CLPTM1L: variants seen among roughly 807,000 people sequenced by gnomAD.
CLPTM1L encodes lipid scramblase CLPTM1L.
CLPTM1L carries 38 observed loss-of-function variants against 70.9 expected under a neutral mutation model. The ratio of observed to expected loss-of-function variants is 0.54; its 90% CI spans 0.41 to 0.70. The LOEUF is 0.70. Among genes scored for constraint, CLPTM1L ranks in the 30% least tolerant of loss-of-function variants. The pLI is 0.00. For synonymous variants in CLPTM1L, 339 were observed against 299.9 expected, an observed-to-expected ratio of 1.13 and a Z score of -1.35; for missense variants, 652 against 705.9, an observed-to-expected ratio of 0.92 and a Z score of 0.87.
chr5:1,338,287 C>T (rs775536284), intron 4 of CLPTM1L: 37 of 444,480 alleles, frequency 8.3e-5, no homozygotes, highest in African/African-American at 4.8e-4. Flanking sequence ...GGGCCCTCTG[C>T]GCACTGACAC....
At chr5:1,341,135 T>C (rs970575904) in intron 3 of CLPTM1L, among the ~76,000 whole-genome samples, 5 of 152,254 alleles carry the variant, frequency 3.3e-5, no homozygotes, top group African/African-American at 9.6e-5. Flanking sequence ...GCTTTATCCT[T>C]GGCCTGTATT....
At chr5:1,324,714 G>A in intron 11 of CLPTM1L, 49 bp downstream of exon 11, 1 of 1,521,294 alleles carries the variant, frequency 6.6e-7, no homozygotes, top group Non-Finnish European at 9.1e-7. Flanking sequence ...GTCTTTGAGG[G>A]TGTTGGATTT....
intron 7 of CLPTM1L, among the ~76,000 whole-genome samples, chr5:1,333,945 G>A (rs1013199686): frequency 1.3e-5 from 2 of 152,140 alleles, no homozygotes; most frequent in Non-Finnish European, 2.9e-5. Flanking sequence ...GGCCTGGGCA[G>A]GGGAGAGTGA....
At chr5:1,338,718 G>C in intron 4 of CLPTM1L, 142 bp downstream of exon 4, 1 of 883,180 alleles carries the variant, frequency 1.1e-6, no homozygotes, top group Non-Finnish European at 1.7e-6. Flanking sequence ...ATGAGGAAGT[G>C]GGAAAGAGCT....
At chr5:1,334,977 C>A (rs1159594111) in intron 6 of CLPTM1L, 80 bp downstream of exon 6, 18 of 1,040,782 alleles carry the variant, frequency 1.7e-5, no homozygotes, top group Middle Eastern at 2.9e-4. Flanking sequence ...GAGGCCCCGG[C>A]CTGTGTCAGG....
At chr5:1,328,701 T>TTTCATCCAGCTCCTCCTCTAC (rs1752826766) in intron 9 of CLPTM1L, among the ~76,000 whole-genome samples, 1 of 72,292 alleles carries the variant, frequency 1.4e-5, no homozygotes, top group Admixed American at 1.5e-4. Flanking sequence ...TCCTCCTCTA[T>TTTCATCCAGCTCCTCCTCTAC]AGACACATTC....
rs907420057 is a variant in CLPTM1L, at chr5:1,342,454, C to T, written c.264-594G>A. On this transcript the variant is annotated intron_variant, in intron 2 of 16. Transcript: ENST00000320895. The surrounding 1 kb of genome is among the most constrained non-coding windows in gnomAD (Gnocchi z 4.3). Reference sequence around the variant, plus strand: ...CAGCACGAGCTGAGGAAAGGCCCGGCGAGCTGCTACAACTGTAGGCCTCGG... The same window carrying T: ...CAGCACGAGCTGAGGAAAGGCCCGGTGAGCTGCTACAACTGTAGGCCTCGG... Among the ~76,000 whole-genome samples, 3 of 152,188 alleles carry T rather than the reference C, an allele frequency of 2.0e-5. No homozygotes were observed. Among genetic ancestry groups the T allele is most frequent in the Admixed American group, 2.0e-4 (3 of 15,282 alleles).
intron 11 of CLPTM1L, among the ~76,000 whole-genome samples, chr5:1,324,466 A>G (rs1489702283): frequency 1.3e-5 from 2 of 152,190 alleles, no homozygotes; most frequent in African/African-American, 4.8e-5. Context: ...CACAGCAGAC[A>G]CCATGGCCTG....
At chr5:1,344,322 T>C (rs752757372) in intron 2 of CLPTM1L, 29 bp downstream of exon 2, 2 of 1,429,518 alleles carry the variant, frequency 1.4e-6, no homozygotes, top group East Asian at 2.3e-5. Flanking sequence ...TGTTTTCCCT[T>C]TCACTGGCAT....
At chr5:1,329,540 T>A (rs1427574805) in intron 9 of CLPTM1L, among the ~76,000 whole-genome samples, 8 of 130,816 alleles carry the variant, frequency 6.1e-5, no homozygotes, top group African/African-American at 2.7e-4. Context: ...CTCAGGACTC[T>A]CTGCTTGGTG....
rs1298054356 is a variant in CLPTM1L, at chr5:1,331,813, A to G, written c.962T>C (p.Met321Thr). Residue 321 changes from methionine (M) to threonine (T), a missense_variant, in exon 8 of 17, where the codon ATG becomes ACG. By Grantham distance (81) the Met-to-Thr change is moderately conservative (BLOSUM62 -1). Around this residue, in one of 3 missense-constraint regions of CLPTM1L, gnomAD observed 240 missense variants for 295.0 expected, o/e 0.81. Coordinates refer to ENST00000320895, the MANE Select transcript of CLPTM1L (RefSeq NM_030782.5). ...FWKKKKSMIG[M>T]STKAVLWRCF... ...GGGGGGCCTACCTGCCTTGGTGGAC[A>G]TGCCGATCATGCTCTTCTTCTTCTT... The G allele has an allele frequency of 1.2e-6, 2 of 1,613,386 alleles. No individual in the cohort carries two copies. Among genetic ancestry groups the G allele is most frequent in the East Asian group, 2.2e-5 (1 of 44,882 alleles).
In CLPTM1L at chr5:1,342,712, G is replaced by A. The variant is rs1329645963; in HGVS notation, c.264-852C>T. Among the ~76,000 whole-genome samples, 5 of 152,246 alleles carry A rather than the reference G, an allele frequency of 3.3e-5. No individual in the cohort carries two copies. Among genetic ancestry groups the A allele is most frequent in the South Asian group, 2.1e-4 (1 of 4,820 alleles). ...AAGTGACCTCCCGCCTCAGTCTCCC[G>A]AGTAGCTGGGACTACAGGTGGGCGT... is the stretch of plus-strand genomic sequence containing the variant. On this transcript the variant is annotated intron_variant, in intron 2 of 16. Coordinates refer to ENST00000320895, the MANE Select transcript of CLPTM1L (RefSeq NM_030782.5). The surrounding 1 kb of genome is among the most constrained non-coding windows in gnomAD (Gnocchi z 4.3).
chr5:1,339,580 G>C, intron 3 of CLPTM1L, among the ~76,000 whole-genome samples: 1 of 126,454 alleles, frequency 7.9e-6, no homozygotes, highest in African/African-American at 3.2e-5. Flanking sequence ...GGACAGCAGG[G>C]TCGGCACCCT....
At chr5:1,333,695 CGCA>C (rs1561244544) in intron 7 of CLPTM1L, among the ~76,000 whole-genome samples, 23 of 35,130 alleles carry the variant, frequency 6.5e-4, no homozygotes, top group Non-Finnish European at 8.4e-4. Flanking sequence ...GTAGACACAC[CGCA>C]AGAGGATAAG....
intron 7 of CLPTM1L, among the ~76,000 whole-genome samples, chr5:1,332,598 C>T (rs1049237704): frequency 5.9e-5 from 9 of 152,202 alleles, no homozygotes; most frequent in African/African-American, 1.7e-4. Context: ...CTCAGCTCCA[C>T]GAACAACAGT....
At chr5:1,320,195 G>A (rs1235130031) in intron 16 of CLPTM1L, 2 of 156,608 alleles carry the variant, frequency 1.3e-5, no homozygotes, top group African/African-American at 2.4e-5. Context: ...TGAGGTGAGT[G>A]AGCTCCCCAG....
At chr5:1,327,449 C>T (rs1752679770) in intron 9 of CLPTM1L, among the ~76,000 whole-genome samples, 1 of 146,850 alleles carries the variant, frequency 6.8e-6, no homozygotes, top group Non-Finnish European at 1.5e-5. Context: ...AGCTCCTCCT[C>T]TACAGGGACA....
At chr5:1,333,701 A>ATT in intron 7 of CLPTM1L, among the ~76,000 whole-genome samples, 1 of 107,850 alleles carries the variant, frequency 9.3e-6, no homozygotes. Flanking sequence ...ACACCGCAAG[A>ATT]GGATAAGGGG....
rs1413858746 is a variant in CLPTM1L, at chr5:1,342,780, G to C, written c.264-920C>G. Among the ~76,000 whole-genome samples the C allele has an allele frequency of 6.6e-6, 1 of 152,170 alleles. No individual in the cohort carries two copies. The highest frequency in any genetic ancestry group is 1.5e-5 in the Non-Finnish European group (1 of 68,024). ...ACTTTGAAAACTGTTGTAGAGATGG[G>C]GTTTTGTCACATTGCCTAGGCTGGT... On this transcript the variant is annotated intron_variant, in intron 2 of 16. Coordinates refer to ENST00000320895, the MANE Select transcript of CLPTM1L (RefSeq NM_030782.5). The surrounding 1 kb of genome is among the most constrained non-coding windows in gnomAD (Gnocchi z 4.3).
Sources: gnomAD v4.1 joint callset for allele counts (sites outside exome capture counted in the v4.1 genomes callset) on GRCh38, gnomAD v4.1.1 for gene constraint, gnomAD v4.1.1 regional missense constraint, Gnocchi (gnomAD v3.1) non-coding constraint, MANE v1.5 for transcripts, NCBI Gene and HGNC (gene_info 2026-07-23, HGNC 2026-07-21) for gene names.